OPCML: variants seen among roughly 807,000 people sequenced by gnomAD.
The protein encoded by OPCML is opioid binding protein/cell adhesion molecule like, also known as opioid-binding protein/cell adhesion molecule.
Under a neutral mutation model 37.8 loss-of-function variants are expected in OPCML, and 13 were observed. The observed-to-expected ratio is 0.34, with a 90% CI of 0.22 to 0.55. The LOEUF (loss-of-function observed/expected upper bound fraction) is 0.55, where lower values mean the gene tolerates loss of function less well. OPCML is among the 20% of genes least tolerant of loss of function. OPCML has a pLI of 0.91. For synonymous variants in OPCML, 176 were observed against 168.8 expected (o/e 1.04, Z -0.33); for missense variants, 341 against 435.6 (o/e 0.78, Z 1.93).
At chr11:133,054,657 A>C (rs1229674606) in intron 1 of OPCML, among the ~76,000 whole-genome samples, 1 of 152,246 alleles carries the variant, frequency 6.6e-6, no homozygotes, top group East Asian at 1.9e-4. Context: ...TAACCATCAG[A>C]AATGGGGACA....
At chr11:132,443,752 C>T (rs2096044667) in intron 4 of OPCML, among the ~76,000 whole-genome samples, 1 of 152,216 alleles carries the variant, frequency 6.6e-6, no homozygotes, top group South Asian at 2.1e-4. Context: ...TCTGAAACCA[C>T]CTCCTCCCCA....
rs79371455 is a variant in OPCML, at chr11:132,731,828, G to A, written c.147-74509C>T. Among the ~76,000 whole-genome samples, 38 of 152,240 alleles carry A rather than the reference G, an allele frequency of 2.5e-4. No homozygotes were observed. The East Asian group carries it at 7.2e-3, about 29-fold the overall frequency. On this transcript the variant is annotated intron_variant, in intron 2 of 7. Transcript: ENST00000524381. ...AGTCATGGCAAAAAGAAATACAATTGTCAACTGCATGTAGGAAATGCAAAG... is the reference window on the plus strand; with the variant it reads ...AGTCATGGCAAAAAGAAATACAATTATCAACTGCATGTAGGAAATGCAAAG...
intron 2 of OPCML, among the ~76,000 whole-genome samples, chr11:132,717,896 G>C (rs1435136732): frequency 6.6e-6 from 1 of 152,192 alleles, no homozygotes; most frequent in African/African-American, 2.4e-5. Flanking sequence ...GCATTCGCTA[G>C]GGATCTTCAA....
chr11:132,928,348 A>G (rs1591814222), intron 2 of OPCML, among the ~76,000 whole-genome samples: 1 of 152,060 alleles, frequency 6.6e-6, no homozygotes, highest in Non-Finnish European at 1.5e-5. Flanking sequence ...AGCACACAAA[A>G]TAGACTTTAA....
intron 1 of OPCML, among the ~76,000 whole-genome samples, chr11:133,504,090 G>A (rs1018639270): frequency 6.6e-6 from 1 of 152,162 alleles, no homozygotes; most frequent in African/African-American, 2.4e-5. Context: ...GAGACTTGCT[G>A]TATCCTCCAC....
chr11:133,471,853 T>C (rs188317826), intron 1 of OPCML, among the ~76,000 whole-genome samples: 44 of 152,278 alleles, frequency 2.9e-4, no homozygotes, highest in Non-Finnish European at 3.8e-4. Flanking sequence ...AAGACACTTG[T>C]AGTTTAAGGG....
chr11:132,689,090 T>C (rs1943299140), intron 2 of OPCML, among the ~76,000 whole-genome samples: 1 of 152,136 alleles, frequency 6.6e-6, no homozygotes, highest in African/African-American at 2.4e-5. Context: ...ACGTGTGACA[T>C]GTAACAAATC....
chr11:133,442,828 A>G (rs1946392906), intron 1 of OPCML, among the ~76,000 whole-genome samples: 1 of 151,730 alleles, frequency 6.6e-6, no homozygotes, highest in Non-Finnish European at 1.5e-5. Flanking sequence ...ATGTGTAATC[A>G]TTTAGAAGAG....
chr11:133,209,902 CA>C (rs1389995726), intron 1 of OPCML, among the ~76,000 whole-genome samples: 4 of 152,154 alleles, frequency 2.6e-5, no homozygotes, highest in Non-Finnish European at 4.4e-5. Flanking sequence ...CCATAATGAA[CA>C]TGACTTTTCT....
At chr11:133,489,584 T>G (rs2120427171) in intron 1 of OPCML, among the ~76,000 whole-genome samples, 1 of 152,218 alleles carries the variant, frequency 6.6e-6, no homozygotes, top group Non-Finnish European at 1.5e-5. Flanking sequence ...CAACAGGTGT[T>G]AGTGAGGATG....
chr11:132,817,642 C>G (rs1939708537), intron 2 of OPCML, among the ~76,000 whole-genome samples: 1 of 151,942 alleles, frequency 6.6e-6, no homozygotes, highest in Non-Finnish European at 1.5e-5. Context: ...ATGAACTTGG[C>G]AGGAGAAAAC....
intron 2 of OPCML, among the ~76,000 whole-genome samples, chr11:132,825,050 A>C (rs1293872293): frequency 6.6e-6 from 1 of 152,146 alleles, no homozygotes; most frequent in East Asian, 1.9e-4. Context: ...CTATGTTGTT[A>C]TTCCCACCCT....
At chr11:133,389,134 T>A (rs1945116251) in intron 1 of OPCML, among the ~76,000 whole-genome samples, 1 of 152,188 alleles carries the variant, frequency 6.6e-6, no homozygotes, top group South Asian at 2.1e-4. Flanking sequence ...GACAACAGCT[T>A]ACTAAGGAGG....
chr11:132,618,087 T>A (rs1041142071), intron 3 of OPCML, among the ~76,000 whole-genome samples: 1 of 152,232 alleles, frequency 6.6e-6, no homozygotes, highest in African/African-American at 2.4e-5. Flanking sequence ...CTAGGTTATA[T>A]GCAGTTATTC....
chr11:133,253,896 C>CCTCA (rs1265975069), intron 1 of OPCML, among the ~76,000 whole-genome samples: 1 of 137,370 alleles, frequency 7.3e-6, no homozygotes. Context: ...CTGCTCCCTC[C>CCTCA]CTCACTCCCT....
At chr11:132,739,161 C>T (rs1945357690) in intron 2 of OPCML, among the ~76,000 whole-genome samples, 1 of 152,198 alleles carries the variant, frequency 6.6e-6, no homozygotes, top group Non-Finnish European at 1.5e-5. Flanking sequence ...TTTATCTCCT[C>T]ACAGTTTGTC....
intron 2 of OPCML, among the ~76,000 whole-genome samples, chr11:132,883,177 T>A (rs1943280526): frequency 6.6e-6 from 1 of 151,970 alleles, no homozygotes; most frequent in Non-Finnish European, 1.5e-5. Context: ...GTGAATCTAC[T>A]GGATTAACTC....
At chr11:133,016,113 T>C (rs1361136025) in intron 1 of OPCML, among the ~76,000 whole-genome samples, 22 of 152,218 alleles carry the variant, frequency 1.4e-4, no homozygotes, top group Admixed American at 1.4e-3. Context: ...AGTGTAGTCA[T>C]TTTCTATCGT....
chr11:132,703,659 G>A (rs1395920170), intron 2 of OPCML, among the ~76,000 whole-genome samples: 1 of 152,210 alleles, frequency 6.6e-6, no homozygotes, highest in Admixed American at 6.5e-5. Flanking sequence ...AGCAGGCCTA[G>A]AGAGACTGAT....
Sources: gnomAD v4.1 joint callset for allele counts (sites outside exome capture counted in the v4.1 genomes callset) on GRCh38, gnomAD v4.1.1 for gene constraint, MANE v1.5 for transcripts, NCBI Gene and HGNC (gene_info 2026-07-23, HGNC 2026-07-21) for gene names.